Variants in PNMA6E observed in about 807,000 individuals in gnomAD.
PNMA6E encodes PNMA family member 6E.
For missense variants in PNMA6E, 78 were observed against 50.8 expected, an observed-to-expected ratio of 1.53 and a Z score of -1.63; for synonymous variants, 43 against 17.1, an observed-to-expected ratio of 2.52 and a Z score of -3.74.
chrX:153,411,658 G>A, the PNMA6E span, among the ~76,000 whole-genome samples: 1 of 113,168 alleles, frequency 8.8e-6, no homozygotes, highest in African/African-American at 3.2e-5. Context: ...GGGCCTGCCG[G>A]GAGCAGGAAG....
At position 153,398,164 on chromosome X, in the gene PNMA6E, GCTGCTCCTGCCTCACCTA is replaced by G. The variant is rs1556970733; in HGVS notation, c.668_685del (p.Val223_Ala228del). 1 of 415,531 alleles carries G rather than the reference GCTGCTCCTGCCTCACCTA, an allele frequency of 2.4e-6. No individual in the cohort carries two copies. The highest frequency in any genetic ancestry group is 4.2e-5 in the Admixed American group (1 of 23,781). 34.2% of individuals were successfully genotyped at this position (415,531 alleles called of 1,213,427 possible). A position where few individuals can be genotyped will look rare whatever the true frequency, so the allele number is the denominator to read the frequency against. Reference sequence around the variant, plus strand: ...CTCACCTGCGCCTCCTGCCTCACCTGCTGCTCCTGCCTCACCTACACCTCCTGCCTCACCTGCGCCTCC... The same window carrying G: ...CTCACCTGCGCCTCCTGCCTCACCTGCACCTCCTGCCTCACCTGCGCCTCC... On this transcript the variant is annotated inframe_deletion, in exon 2 of 2. Coordinates refer to ENST00000445091, the MANE Select transcript of PNMA6E (RefSeq NM_001367770.1).
At chrX:153,410,157 G>A in the PNMA6E span, among the ~76,000 whole-genome samples, 3 of 110,985 alleles carry the variant, frequency 2.7e-5, no homozygotes, top group South Asian at 7.7e-4. Flanking sequence ...CCCCACCTTC[G>A]CCTCCACATG....
the PNMA6E span, among the ~76,000 whole-genome samples, chrX:153,411,683 T>C: frequency 1.8e-5 from 2 of 112,656 alleles, no homozygotes; most frequent in Non-Finnish European, 3.8e-5. Context: ...GCCGACTCCC[T>C]CGGCTGCCCG....
At chrX:153,404,845 C>T (rs377081125), upstream of PNMA6E, among the ~76,000 whole-genome samples, 14 of 112,318 alleles carry the variant, frequency 1.2e-4, no homozygotes, top group African/African-American at 4.2e-4. Context: ...TCACCCAGCA[C>T]GGTGTCCTCT....
intron 1 of PNMA6E, among the ~76,000 whole-genome samples, chrX:153,400,216 G>T (rs1258513686): frequency 3.6e-5 from 4 of 112,243 alleles, no homozygotes; most frequent in Admixed American, 9.3e-5. Flanking sequence ...TCCCCACGAA[G>T]AGGCGACCTG....
At position 153,397,486 on chromosome X, in the gene PNMA6E, A is replaced by G. The variant is rs1020841751; in HGVS notation, c.1364T>C (p.Val455Ala). ...CTCGCTGGGGCGGGCCCAAGACAGC[A>G]CCTGCTGTAGTCGCAGGTAATTGGC... ...ALANYLRLQQ[V>A]LSWARPSEAL... The change falls in exon 2 of 2, where the codon GTG becomes GCG. Residue 455 changes from valine to alanine, a missense_variant. By Grantham distance (64) the Val-to-Ala change is moderately conservative (BLOSUM62 0). Transcript: ENST00000445091. The G allele has an allele frequency of 1.3e-5, 4 of 297,449 alleles. No individual in the cohort carries two copies. Among genetic ancestry groups the G allele is most frequent in the Non-Finnish European group, 2.3e-5 (4 of 170,347 alleles). The allele number at this position is 297,449 out of a possible 1,213,427, so 24.5% of individuals were successfully genotyped here. A position where few individuals can be genotyped will look rare whatever the true frequency, so the allele number is the denominator to read the frequency against.
upstream of PNMA6E, among the ~76,000 whole-genome samples, chrX:153,401,768 G>A (rs1287106739): frequency 2.8e-5 from 3 of 108,235 alleles, no homozygotes; most frequent in Admixed American, 2.9e-4. Flanking sequence ...TGTTTATTTG[G>A]TTTTTGTTTT....
chrX:153,400,924 G>A (rs982953127), intron 1 of PNMA6E, among the ~76,000 whole-genome samples: 6 of 98,971 alleles, frequency 6.1e-5, no homozygotes, highest in East Asian at 3.4e-4. Flanking sequence ...CTTCTACCCC[G>A]CGTGCTTGGC....
At chrX:153,403,302 T>A (rs1556971694), upstream of PNMA6E, among the ~76,000 whole-genome samples, 1 of 112,190 alleles carries the variant, frequency 8.9e-6, no homozygotes, top group Non-Finnish European at 1.9e-5. Context: ...GTTATTAAGA[T>A]CATCCAGTGA....
chrX:153,410,780 G>C, the PNMA6E span, among the ~76,000 whole-genome samples: 76 of 112,864 alleles, frequency 6.7e-4, no homozygotes, highest in African/African-American at 1.4e-3. Flanking sequence ...TGATGTGGCT[G>C]ATTTTTCCCT....
At chrX:153,411,431 C>A in the PNMA6E span, among the ~76,000 whole-genome samples, 87 of 112,413 alleles carry the variant, frequency 7.7e-4, no homozygotes, top group Non-Finnish European at 1.1e-3. Context: ...ATGCCCCCCC[C>A]ACAACGCGCC....
At chrX:153,399,305 T>C in intron 1 of PNMA6E, among the ~76,000 whole-genome samples, 1 of 73,755 alleles carries the variant, frequency 1.4e-5, no homozygotes, top group East Asian at 3.9e-4. Flanking sequence ...TTCTCTCTTG[T>C]GTGTTGTGTG....
the PNMA6E span, among the ~76,000 whole-genome samples, chrX:153,411,534 G>A: frequency 8.9e-6 from 1 of 112,688 alleles, no homozygotes; most frequent in African/African-American, 3.2e-5. Context: ...CGCTCTTCGC[G>A]AGCGGTACCC....
the PNMA6E span, among the ~76,000 whole-genome samples, chrX:153,411,432 A>C: frequency 4.7e-4 from 46 of 98,145 alleles, no homozygotes; most frequent in Non-Finnish European, 7.9e-4. Flanking sequence ...TGCCCCCCCC[A>C]CAACGCGCCC....
rs1046046291 is a variant in PNMA6E at position 153,396,679 on chromosome X, G to A, written c.*227C>T. On this transcript the variant is annotated 3_prime_UTR_variant, in exon 2 of 2. Transcript: ENST00000445091. ...GCAGGGTTTGGGGCTGGGGCTGGGTGTGCTGGGTGCAAGGGAGCGGGGGGG... is the reference window on the plus strand; with the variant it reads ...GCAGGGTTTGGGGCTGGGGCTGGGTATGCTGGGTGCAAGGGAGCGGGGGGG... 181 of 249,488 alleles carry A rather than the reference G, an allele frequency of 7.3e-4. No homozygotes were observed. Among genetic ancestry groups the A allele is most frequent in the Non-Finnish European group, 1.2e-3 (163 of 140,412 alleles). 20.6% of individuals were successfully genotyped at this position (249,488 alleles called of 1,213,427 possible). A position where few individuals can be genotyped will look rare whatever the true frequency, so the allele number is the denominator to read the frequency against.
At chrX:153,409,109 G>A in the PNMA6E span, among the ~76,000 whole-genome samples, 18 of 113,045 alleles carry the variant, frequency 1.6e-4, no homozygotes, top group African/African-American at 5.1e-4. Context: ...CACCACAGCT[G>A]TGGGAAAGCG....
At chrX:153,405,061 G>T (rs782268828), upstream of PNMA6E, among the ~76,000 whole-genome samples, 2 of 112,828 alleles carry the variant, frequency 1.8e-5, no homozygotes, top group Non-Finnish European at 3.7e-5. Flanking sequence ...GGCAGAACCT[G>T]ACTTAAGTTT....
upstream of PNMA6E, among the ~76,000 whole-genome samples, chrX:153,406,197 C>A (rs1556972080): frequency 8.9e-6 from 1 of 112,577 alleles, no homozygotes; most frequent in African/African-American, 3.2e-5. Flanking sequence ...GGGAGGGGAG[C>A]ATTTAAAGCA....
the PNMA6E span, among the ~76,000 whole-genome samples, chrX:153,408,150 G>C: frequency 8.9e-6 from 1 of 112,943 alleles, no homozygotes; most frequent in East Asian, 2.8e-4. Flanking sequence ...TCCTGGGAGG[G>C]ACAGTGAGAA....
Sources: gnomAD v4.1 joint callset for allele counts (sites outside exome capture counted in the v4.1 genomes callset) on GRCh38, gnomAD v4.1.1 for gene constraint, MANE v1.5 for transcripts, NCBI Gene and HGNC (gene_info 2026-07-23, HGNC 2026-07-21) for gene names.